TENM4: variants seen among roughly 807,000 people sequenced by gnomAD.
TENM4 encodes the protein teneurin transmembrane protein 4.
In TENM4, 82 loss-of-function variants were observed where a neutral mutation model predicts 243.3. The observed-to-expected ratio is 0.34, with a 90% CI of 0.28 to 0.40. The LOEUF (loss-of-function observed/expected upper bound fraction) is 0.40, where lower values mean the gene tolerates loss of function less well. TENM4 is among the 10% of genes least tolerant of loss of function. TENM4 has a pLI of 1.00. For missense variants in TENM4, 3,138 were observed against 3,673.3 expected (o/e 0.85, Z 3.77); for synonymous variants, 1,412 against 1,456.3 (o/e 0.97, Z 0.69).
Position 78,676,762 on chromosome 11 carries a change from A to T in TENM4, c.5261-375T>A, listed in dbSNP as rs539622279. ...GACCATACAATATTCCACTGTATGAAAATACTTTAAGTTATTTAACCAAGC... is the reference window on the plus strand; with the variant it reads ...GACCATACAATATTCCACTGTATGATAATACTTTAAGTTATTTAACCAAGC... On this transcript the variant is annotated intron_variant, in intron 29 of 33. Coordinates refer to ENST00000278550, the MANE Select transcript of TENM4 (RefSeq NM_001098816.3). 5.9e-5 allele frequency among the ~76,000 whole-genome samples: 9 copies of T among 152,354 alleles called. No homozygotes were observed. In the East Asian group the frequency reaches 1.7e-3, roughly 29 times the overall value.
chr11:79,187,189 C>T (rs564993938), intron 3 of TENM4, among the ~76,000 whole-genome samples: 1 of 152,182 alleles, frequency 6.6e-6, no homozygotes, highest in Non-Finnish European at 1.5e-5. Flanking sequence ...TGAGCCTCAT[C>T]TATTAATTTG....
chr11:79,204,204 G>A (rs1310439748), intron 3 of TENM4, among the ~76,000 whole-genome samples: 4 of 152,088 alleles, frequency 2.6e-5, no homozygotes, highest in Admixed American at 2.6e-4. Flanking sequence ...TTCTGGTGAT[G>A]GTTTCTCGAC....
intron 32 of TENM4, among the ~76,000 whole-genome samples, chr11:78,662,511 T>C (rs923749968): frequency 3.9e-5 from 6 of 152,142 alleles, no homozygotes; most frequent in African/African-American, 1.4e-4. Flanking sequence ...AGTCTTTACA[T>C]TGGGCTTGGG....
chr11:78,740,358 C>A (rs146079806), intron 19 of TENM4, among the ~76,000 whole-genome samples: 1 of 148,462 alleles, frequency 6.7e-6, no homozygotes, highest in Non-Finnish European at 1.5e-5. Context: ...AGACTCCCCA[C>A]CCCACCCCAC....
chr11:78,885,793 G>A (rs898968283), intron 9 of TENM4, among the ~76,000 whole-genome samples: 1 of 152,086 alleles, frequency 6.6e-6, no homozygotes, highest in South Asian at 2.1e-4. Context: ...GGTGCAGTGG[G>A]GCACAACTGT....
rs150042002 is a variant in TENM4 at position 79,283,904 on chromosome 11, C to T, written c.-265+13584G>A. 7.6e-3 allele frequency among the ~76,000 whole-genome samples: 1,149 copies of T among 152,148 alleles called. 16 individuals are homozygous for T. The highest frequency in any genetic ancestry group is 0.026 in the African/African-American group (1,072 of 41,504). ...GTACAATCAGTTGTATTTCTATACA[C>T]TAGCAATGAACAATCCAAAAATGCA... On this transcript the variant is annotated intron_variant, in intron 2 of 33. Coordinates refer to ENST00000278550, the MANE Select transcript of TENM4 (RefSeq NM_001098816.3).
intron 6 of TENM4, among the ~76,000 whole-genome samples, chr11:78,916,395 T>C (rs1188936183): frequency 1.3e-5 from 2 of 152,210 alleles, no homozygotes; most frequent in Non-Finnish European, 2.9e-5. Context: ...CCTTATGCTA[T>C]AGGGTCTCCA....
rs1855629682 is a variant in TENM4 at position 78,890,110 on chromosome 11, A to C, written c.849-90T>G. 5 of 1,035,678 alleles carry C rather than the reference A, an allele frequency of 4.8e-6. No homozygotes were observed. The South Asian group carries it at 4.9e-5, about 10-fold the overall frequency. 64.2% of individuals were successfully genotyped at this position (1,035,678 alleles called of 1,614,324 possible). On this transcript the variant is annotated intron_variant, in intron 8 of 33. Transcript: ENST00000278550. ...TGGAGGCCAGAGGCGGCAGTAGAAG[A>C]AGCATGCAGAGGAGCCTGGATAGAG...
intron 9 of TENM4, among the ~76,000 whole-genome samples, chr11:78,875,954 G>A (rs1859260127): frequency 6.6e-6 from 1 of 152,198 alleles, no homozygotes; most frequent in Non-Finnish European, 1.5e-5. Context: ...AGACAGAAGG[G>A]CAATGTGGCC....
intron 28 of TENM4, among the ~76,000 whole-genome samples, chr11:78,696,226 C>T (rs1050252212): frequency 9.9e-5 from 15 of 152,088 alleles, no homozygotes; most frequent in Non-Finnish European, 1.6e-4. Flanking sequence ...TCTAACAATT[C>T]CATTTGATTC....
At chr11:79,264,214 A>G (rs955920801) in intron 2 of TENM4, among the ~76,000 whole-genome samples, 1 of 152,158 alleles carries the variant, frequency 6.6e-6, no homozygotes, top group Non-Finnish European at 1.5e-5. Flanking sequence ...CATGGCCGGC[A>G]CGGGTGCTTT....
chr11:78,899,569 G>T (rs1045715528), intron 7 of TENM4, among the ~76,000 whole-genome samples: 4 of 123,762 alleles, frequency 3.2e-5, no homozygotes, highest in Non-Finnish European at 5.2e-5. Context: ...CGGGGGGGGG[G>T]GGAAAAAGAA....
chr11:79,053,823 C>T (rs1859866329), intron 6 of TENM4, among the ~76,000 whole-genome samples: 1 of 152,212 alleles, frequency 6.6e-6, no homozygotes, highest in South Asian at 2.1e-4. Context: ...CCTCTTCATC[C>T]TTTGCTTCCT....
At chr11:78,753,713 CTT>C (rs201125417) in intron 19 of TENM4, among the ~76,000 whole-genome samples, 5 of 141,578 alleles carry the variant, frequency 3.5e-5, no homozygotes, top group African/African-American at 5.2e-5. Context: ...TTTACAGTAA[CTT>C]TTTTTTTTTT....
chr11:78,713,564 T>G (rs1859449864), intron 25 of TENM4, among the ~76,000 whole-genome samples: 1 of 152,194 alleles, frequency 6.6e-6, no homozygotes, highest in South Asian at 2.1e-4. Flanking sequence ...AGCTCCGTAA[T>G]TTCCTGGTTC....
intron 28 of TENM4, among the ~76,000 whole-genome samples, chr11:78,698,779 G>A (rs1565337637): frequency 6.6e-6 from 1 of 152,230 alleles, no homozygotes; most frequent in Admixed American, 6.5e-5. Context: ...TGGGTCTGGA[G>A]GCCAGCTAGC....
intron 16 of TENM4, among the ~76,000 whole-genome samples, chr11:78,782,955 G>A (rs1591020256): frequency 6.6e-6 from 1 of 152,122 alleles, no homozygotes; most frequent in Non-Finnish European, 1.5e-5. Flanking sequence ...CAGCTCTCCT[G>A]AAGTCTGGTA....
At chr11:78,961,784 CT>C (rs60789690) in intron 6 of TENM4, among the ~76,000 whole-genome samples, 49,557 of 145,870 alleles carry the variant, frequency 0.34, 8,620 homozygotes, top group Middle Eastern at 0.39. Flanking sequence ...ATGTCTTAAC[CT>C]TTTTTTTTTT....
chr11:79,029,752 G>T (rs1859176281), intron 6 of TENM4, among the ~76,000 whole-genome samples: 1 of 152,154 alleles, frequency 6.6e-6, no homozygotes. Context: ...CATAAAACGG[G>T]ACAAGAGTGA....
Sources: gnomAD v4.1 joint callset for allele counts (sites outside exome capture counted in the v4.1 genomes callset) on GRCh38, gnomAD v4.1.1 for gene constraint, MANE v1.5 for transcripts, NCBI Gene and HGNC (gene_info 2026-07-23, HGNC 2026-07-21) for gene names.